MEIS2: variants seen among roughly 807,000 people sequenced by gnomAD.
The protein encoded by MEIS2 is homeobox protein Meis2.
Under a neutral mutation model 58.6 loss-of-function variants are expected in MEIS2, and 9 were observed. That is an observed-to-expected ratio of 0.15 (90% CI 0.09 to 0.27). The LOEUF is 0.27. Among genes scored for constraint, MEIS2 ranks in the 10% least tolerant of loss-of-function variants. The probability of loss-of-function intolerance (pLI) is 1.00; values close to 1 mark genes in which losing one functional copy is unlikely to be tolerated. For missense variants in MEIS2, 427 were observed against 635.0 expected (o/e 0.67, Z 3.52); for synonymous variants, 221 against 228.4 (o/e 0.97, Z 0.29).
chr15:36,996,864 G>A (rs1429110339), intron 8 of MEIS2, among the ~76,000 whole-genome samples: 1 of 152,112 alleles, frequency 6.6e-6, no homozygotes, highest in Admixed American at 6.5e-5. Flanking sequence ...ACCAGAAATG[G>A]GAGTAACTCT....
At chr15:37,075,329 A>AT (rs759870503) in intron 7 of MEIS2, among the ~76,000 whole-genome samples, 148 of 152,106 alleles carry the variant, frequency 9.7e-4, no homozygotes, top group Non-Finnish European at 9.9e-4. Context: ...TTAAAATAGA[A>AT]ACCTAAAATT....
chr15:37,029,453 T>C (rs1254829317), intron 8 of MEIS2, among the ~76,000 whole-genome samples: 1 of 152,136 alleles, frequency 6.6e-6, no homozygotes, highest in Non-Finnish European at 1.5e-5. Flanking sequence ...CTAATGTCCA[T>C]GAAATACTGG....
intron 8 of MEIS2, among the ~76,000 whole-genome samples, chr15:36,982,263 A>C (rs2059952700): frequency 6.6e-6 from 1 of 152,334 alleles, no homozygotes; most frequent in South Asian, 2.1e-4. Context: ...ACCATGCTGT[A>C]CATTAGATCT....
chr15:36,912,615 G>A (rs2057085414), intron 9 of MEIS2, among the ~76,000 whole-genome samples: 1 of 152,086 alleles, frequency 6.6e-6, no homozygotes, highest in Non-Finnish European at 1.5e-5. Context: ...AATGAATTTG[G>A]TTCCTGGAAA....
chr15:37,054,146 C>T (rs948954663), intron 7 of MEIS2, among the ~76,000 whole-genome samples: 1 of 152,216 alleles, frequency 6.6e-6, no homozygotes, highest in Non-Finnish European at 1.5e-5. Context: ...TTCCATAAAG[C>T]ATTATTTCCA....
chr15:37,023,950 G>A (rs900028820), intron 8 of MEIS2, among the ~76,000 whole-genome samples: 1 of 52,594 alleles, frequency 1.9e-5, no homozygotes, highest in Non-Finnish European at 3.6e-5. Flanking sequence ...GTTTTGTTTT[G>A]TTGCCCAGGC....
At position 36,896,637 on chromosome 15, in the gene MEIS2, T is replaced by G; in HGVS notation, c.1027A>C (p.Asn343His). ...RIVQPMIDQS[N>H]RAGFLLDPSV... Reference sequence around the variant, plus strand: ...ACTACTTGGAACTTGCCTGCTCGATTTGACTGGTCAATCATGGGCTGTACT... The same window carrying G: ...ACTACTTGGAACTTGCCTGCTCGATGTGACTGGTCAATCATGGGCTGTACT... Residue 343 changes from asparagine (N) to histidine (H), a missense_variant, in exon 10 of 12, where the codon AAT becomes CAT. By Grantham distance (68) the Asn-to-His change is moderately conservative. Around this residue, in one of 6 missense-constraint regions of MEIS2, gnomAD observed 19 missense variants for 37.3 expected, o/e 0.51. Coordinates refer to ENST00000561208, the MANE Select transcript of MEIS2 (RefSeq NM_170675.5). 6.2e-7 allele frequency: 1 copy of G among 1,612,494 alleles called. No homozygotes were observed.
chr15:36,944,670 A>G (rs1315675826), intron 9 of MEIS2, among the ~76,000 whole-genome samples: 1 of 152,120 alleles, frequency 6.6e-6, no homozygotes, highest in African/African-American at 2.4e-5. Context: ...TGAATCTAGC[A>G]CCTGGCAAAT....
chr15:37,031,076 A>C (rs936390626), intron 8 of MEIS2, among the ~76,000 whole-genome samples: 1 of 152,234 alleles, frequency 6.6e-6, no homozygotes, highest in African/African-American at 2.4e-5. Flanking sequence ...TAAAAATTAT[A>C]GTTACTTTAT....
chr15:36,931,740 GC>G (rs1282540773), intron 9 of MEIS2, among the ~76,000 whole-genome samples: 1 of 152,124 alleles, frequency 6.6e-6, no homozygotes, highest in Admixed American at 6.5e-5. Context: ...GTCTCCACTG[GC>G]CAAGAATCAT....
chr15:37,005,731 A>AT (rs942204452), intron 8 of MEIS2, among the ~76,000 whole-genome samples: 3 of 151,682 alleles, frequency 2.0e-5, no homozygotes, highest in Admixed American at 6.6e-5. Context: ...TAATTTTTGT[A>AT]TTTTTTTTGT....
chr15:36,930,219 AAGAG>A (rs973270815), intron 9 of MEIS2, among the ~76,000 whole-genome samples: 30 of 148,134 alleles, frequency 2.0e-4, no homozygotes, highest in Middle Eastern at 3.4e-3. Context: ...AAAAAAAAAA[AAGAG>A]AGAGAGAGAG....
chr15:36,942,082 G>A (rs2058396154), intron 9 of MEIS2, among the ~76,000 whole-genome samples: 1 of 152,050 alleles, frequency 6.6e-6, no homozygotes, highest in South Asian at 2.1e-4. Context: ...ACCTTGCAAA[G>A]GAAAAAAGAG....
At chr15:36,896,707 C>T (rs1202473804) in intron 9 of MEIS2, 21 bp from the exon 10 acceptor site, 2 of 1,608,078 alleles carry the variant, frequency 1.2e-6, no homozygotes, top group South Asian at 2.2e-5. Context: ...ACAGAGAAGT[C>T]CAGTCATCAT....
intron 3 of MEIS2, 53 bp downstream of exon 3, chr15:37,096,236 G>A: frequency 1.3e-6 from 2 of 1,511,622 alleles, no homozygotes; most frequent in Non-Finnish European, 1.8e-6. Flanking sequence ...TCCGAGGAAA[G>A]GGGAGGGGTA....
chr15:37,093,566 G>C lies in MEIS2; in HGVS notation c.639+15C>G. On this transcript the variant is annotated intron_variant, in intron 6 of 11. Transcript: ENST00000561208. ...CCAGTGGCCTTAAAAGATTGCTAAAGGCTAGCAGACTTACATGGTCAGCGA... is the reference window on the plus strand; with the variant it reads ...CCAGTGGCCTTAAAAGATTGCTAAACGCTAGCAGACTTACATGGTCAGCGA... The C allele has an allele frequency of 6.2e-7, 1 of 1,613,812 alleles. No individual in the cohort carries two copies.
chr15:37,089,073 A>G (rs1893222525), intron 6 of MEIS2, among the ~76,000 whole-genome samples: 3 of 151,648 alleles, frequency 2.0e-5, no homozygotes, highest in Non-Finnish European at 4.4e-5. Context: ...GCTAACAACC[A>G]CCAGAAACCA....
chr15:37,079,435 T>A (rs1444481114), intron 7 of MEIS2, among the ~76,000 whole-genome samples: 1 of 151,896 alleles, frequency 6.6e-6, no homozygotes, highest in Non-Finnish European at 1.5e-5. Context: ...ATTGACAGAG[T>A]TTTCCTAGAC....
chr15:37,098,375 A>AGGG (rs1205039042), intron 1 of MEIS2, 176 bp from the exon 2 acceptor site: 2 of 671,130 alleles, frequency 3.0e-6, no homozygotes, highest in African/African-American at 5.5e-5. Flanking sequence ...AAAGGAGGAG[A>AGGG]GGGGGAGAGA....
Sources: gnomAD v4.1 joint callset for allele counts (sites outside exome capture counted in the v4.1 genomes callset) on GRCh38, gnomAD v4.1.1 for gene constraint, gnomAD v4.1.1 regional missense constraint, MANE v1.5 for transcripts, NCBI Gene and HGNC (gene_info 2026-07-23, HGNC 2026-07-21) for gene names.